The following LRRC9 variants were observed in gnomAD, a reference collection of about 807,000 sequenced individuals.
LRRC9 encodes leucine rich repeat containing 9, also known as leucine-rich repeat-containing protein 9.
Under a neutral mutation model 63.2 loss-of-function variants are expected in LRRC9, and 122 were observed. The ratio of observed to expected loss-of-function variants is 1.93; its 90% CI spans 1.67 to 2.24. LRRC9 has a LOEUF of 2.24. Among genes scored for constraint, LRRC9 ranks in the 30% most tolerant of loss-of-function variants. The pLI, the probability that LRRC9 is intolerant of heterozygous loss-of-function variation, is 0.00. For missense variants in LRRC9, 1,071 were observed against 627.7 expected (o/e 1.71, Z -7.55); for synonymous variants, 366 against 213.1 (o/e 1.72, Z -6.25).
intron 23 of LRRC9, among the ~76,000 whole-genome samples, chr14:60,010,915 T>C (rs1376356610): frequency 2.0e-5 from 3 of 152,186 alleles, no homozygotes; most frequent in African/African-American, 7.2e-5. Context: ...TCAAAGCCAT[T>C]CAACAAGTCT....
intron 28 of LRRC9, among the ~76,000 whole-genome samples, chr14:60,029,245 T>C (rs1396553572): frequency 1.3e-5 from 2 of 152,092 alleles, no homozygotes; most frequent in African/African-American, 4.8e-5. Context: ...TATCAAGCTT[T>C]ATAAATAATT....
exon 31 of LRRC9, chr14:60,057,979 C>T (rs1041280182): frequency 7.4e-6 from 5 of 671,876 alleles, no homozygotes; most frequent in Non-Finnish European, 1.1e-5. Context: ...GTGGATTCAG[C>T]CATTACTTGG....
At chr14:60,028,046 A>T in exon 28 of LRRC9, 1 of 701,740 alleles carries the variant, frequency 1.4e-6, no homozygotes, top group East Asian at 2.7e-5. Flanking sequence ...GAACTGGGCA[A>T]ATTACAATCT....
intron 6 of LRRC9, among the ~76,000 whole-genome samples, chr14:59,937,974 A>G (rs746260236): frequency 2.0e-4 from 31 of 152,170 alleles, no homozygotes; most frequent in Admixed American, 3.3e-4. Flanking sequence ...GCAGATCTGG[A>G]GGCAGCGAGG....
chr14:60,057,183 A>T (rs457527), intron 30 of LRRC9, among the ~76,000 whole-genome samples: 1 of 152,152 alleles, frequency 6.6e-6, no homozygotes, highest in Non-Finnish European at 1.5e-5. Context: ...GAATTCACAC[A>T]TATAAACAAG....
chr14:60,058,415 A>AT lies in LRRC9; in HGVS notation c.4276+394dup, dbSNP rs1477994464. Among the ~76,000 whole-genome samples, 5 of 152,224 alleles carry AT rather than the reference A, an allele frequency of 3.3e-5. No homozygotes were observed. Among genetic ancestry groups the AT allele is most frequent in the African/African-American group, 1.2e-4 (5 of 41,470 alleles). The stretch of plus-strand genomic sequence containing the variant: ...AAGTGGAAATCAGAGATGTAAAAGC[A>AT]TAACAGAATCCCGGGGTACAAAGGA... On this transcript the variant is annotated intron_variant, in intron 31 of 31. Transcript: ENST00000445360. The surrounding 1 kb of genome is among the most constrained non-coding windows in gnomAD (Gnocchi z 4.4).
At chr14:59,925,833 C>A (rs1041471568) in intron 1 of LRRC9, among the ~76,000 whole-genome samples, 2 of 152,132 alleles carry the variant, frequency 1.3e-5, no homozygotes, top group African/African-American at 4.8e-5. Context: ...GCTGTGCCCC[C>A]ACCCAAAATT....
At chr14:60,044,249 CTT>C (rs1893217620) in intron 29 of LRRC9, among the ~76,000 whole-genome samples, 1 of 151,868 alleles carries the variant, frequency 6.6e-6, no homozygotes, top group African/African-American at 2.4e-5. Context: ...GAAAAAGCAA[CTT>C]TTTGTTTTGT....
chr14:60,000,657 C>T (rs533991782), intron 19 of LRRC9, among the ~76,000 whole-genome samples: 19 of 151,800 alleles, frequency 1.3e-4, no homozygotes, highest in Non-Finnish European at 2.4e-4. Flanking sequence ...AAAGGCAAAA[C>T]CAAAAATTTT....
Position 60,004,029 on chromosome 14 carries a change from A to G in LRRC9, c.2842+231A>G, listed in dbSNP as rs1794166299. ...CAAAACATCATGTTGTACAAGATAA[A>G]TGGATACAATATTATCTGTCAAATT... On this transcript the variant is annotated intron_variant, in intron 21 of 31. Coordinates refer to ENST00000445360, the Ensembl canonical transcript of LRRC9. This position sits in a 1 kb window ranked among gnomAD's most constrained non-coding sequence, Gnocchi z 4.8. Among the ~76,000 whole-genome samples, 1 of 152,210 alleles carries G rather than the reference A, an allele frequency of 6.6e-6. No individual in the cohort carries two copies. The highest frequency in any genetic ancestry group is 2.4e-5 in the African/African-American group (1 of 41,462).
At chr14:59,989,009 T>G (rs933739577) in intron 17 of LRRC9, among the ~76,000 whole-genome samples, 8 of 152,152 alleles carry the variant, frequency 5.3e-5, no homozygotes, top group African/African-American at 1.9e-4. Flanking sequence ...GAAAGTCTGA[T>G]GAGAATGTAT....
rs1894067481 is a variant in LRRC9 at position 60,053,711 on chromosome 14, C to G, written c.4131+506C>G. Among the ~76,000 whole-genome samples, 1 of 151,988 alleles carries G rather than the reference C, an allele frequency of 6.6e-6. No individual in the cohort carries two copies. The highest frequency in any genetic ancestry group is 2.1e-4 in the South Asian group (1 of 4,826). ...TTTGTTAGGATAATTGGGCTTTTTA[C>G]TCAGGAGCCCTAAAATGTATCTGAT... On this transcript the variant is annotated intron_variant, in intron 30 of 31. Coordinates refer to ENST00000445360, the Ensembl canonical transcript of LRRC9. This position sits in a 1 kb window ranked among gnomAD's most constrained non-coding sequence, Gnocchi z 4.8.
chr14:59,949,700 T>C (rs1882896925), intron 8 of LRRC9, among the ~76,000 whole-genome samples: 1 of 151,648 alleles, frequency 6.6e-6, no homozygotes, highest in Non-Finnish European at 1.5e-5. Flanking sequence ...ATGTTGTGTC[T>C]TTGTTCTCGT....
chr14:59,955,223 A>C (rs867190486), intron 8 of LRRC9, among the ~76,000 whole-genome samples: 32 of 152,328 alleles, frequency 2.1e-4, no homozygotes, highest in Middle Eastern at 3.4e-3. Flanking sequence ...GAATGGTACC[A>C]GTTCCTCTTT....
intron 26 of LRRC9, 151 bp from the exon 27 acceptor site, chr14:60,022,583 T>C (rs1342470419): frequency 2.7e-6 from 1 of 365,958 alleles, no homozygotes; most frequent in Admixed American, 4.5e-5. Flanking sequence ...ATATAAAATA[T>C]AAACAGACTG....
intron 27 of LRRC9, among the ~76,000 whole-genome samples, chr14:60,023,599 T>C (rs1448215666): frequency 6.6e-6 from 1 of 152,106 alleles, no homozygotes; most frequent in African/African-American, 2.4e-5. Context: ...TTTCAATATA[T>C]GAGATCATTT....
At chr14:59,998,800 C>T (rs1238755774) in intron 18 of LRRC9, among the ~76,000 whole-genome samples, 1 of 152,058 alleles carries the variant, frequency 6.6e-6, no homozygotes, top group Non-Finnish European at 1.5e-5. Context: ...TAGCTTACTG[C>T]TGATCTAGAT....
At chr14:59,952,710 A>G (rs1883297840) in intron 8 of LRRC9, among the ~76,000 whole-genome samples, 1 of 152,116 alleles carries the variant, frequency 6.6e-6, no homozygotes, top group Admixed American at 6.6e-5. Context: ...TTACATAGGT[A>G]TACATTTGAC....
intron 27 of LRRC9, among the ~76,000 whole-genome samples, chr14:60,024,035 C>T (rs1891324895): frequency 6.6e-6 from 1 of 152,082 alleles, no homozygotes; most frequent in African/African-American, 2.4e-5. Context: ...TTTCTTTATC[C>T]AGTCTAACAT....
Sources: gnomAD v4.1 joint callset for allele counts (sites outside exome capture counted in the v4.1 genomes callset) on GRCh38, gnomAD v4.1.1 for gene constraint, Gnocchi (gnomAD v3.1) non-coding constraint, MANE v1.5 for transcripts, NCBI Gene and HGNC (gene_info 2026-07-23, HGNC 2026-07-21) for gene names.